The following DPP10 variants were observed in gnomAD, a reference collection of about 807,000 sequenced individuals.
DPP10 encodes the protein dipeptidyl peptidase like 10, also known as inactive dipeptidyl peptidase 10.
DPP10 carries 33 observed loss-of-function variants against 120.9 expected under a neutral mutation model. The observed-to-expected ratio is 0.27, with a 90% CI of 0.21 to 0.37. DPP10 has a LOEUF of 0.37. Ranked by LOEUF, DPP10 falls within the 10% of genes least tolerant of loss-of-function variation. The probability of loss-of-function intolerance (pLI) is 1.00; values close to 1 mark genes in which losing one functional copy is unlikely to be tolerated. For missense variants in DPP10, 816 were observed against 942.8 expected, an observed-to-expected ratio of 0.87 and a Z score of 1.76; for synonymous variants, 337 against 326.1, an observed-to-expected ratio of 1.03 and a Z score of -0.36.
At chr2:114,810,241 G>A (rs193028424) in intron 1 of DPP10, among the ~76,000 whole-genome samples, 137 of 152,296 alleles carry the variant, frequency 9.0e-4, no homozygotes, top group African/African-American at 3.2e-3. Context: ...TCTAGCTAGA[G>A]TAATAGCTAC....
intron 1 of DPP10, among the ~76,000 whole-genome samples, chr2:114,480,938 G>A (rs1473060929): frequency 6.6e-6 from 1 of 151,422 alleles, no homozygotes; most frequent in Non-Finnish European, 1.5e-5. Flanking sequence ...AGACAAAAAA[G>A]GAGCCTCTAC....
chr2:114,447,346 C>G (rs1324472230), intron 1 of DPP10, among the ~76,000 whole-genome samples: 1 of 152,110 alleles, frequency 6.6e-6, no homozygotes, highest in Non-Finnish European at 1.5e-5. Context: ...ACTGACAAAC[C>G]TGCGTTTCAC....
chr2:115,082,799 C>T (rs1708382882), intron 1 of DPP10, among the ~76,000 whole-genome samples: 1 of 152,174 alleles, frequency 6.6e-6, no homozygotes, highest in South Asian at 2.1e-4. Flanking sequence ...ACTAGAACCA[C>T]TCAGTGAAAT....
intron 1 of DPP10, among the ~76,000 whole-genome samples, chr2:114,928,687 C>T (rs1574504134): frequency 6.6e-6 from 1 of 152,096 alleles, no homozygotes; most frequent in Admixed American, 6.6e-5. Context: ...GGTCCTAGTA[C>T]AGGCTCTCAG....
intron 1 of DPP10, among the ~76,000 whole-genome samples, chr2:114,499,181 C>T (rs1419708747): frequency 6.6e-6 from 1 of 152,174 alleles, no homozygotes; most frequent in Non-Finnish European, 1.5e-5. Flanking sequence ...CATTCTCATG[C>T]TTTTCACTTC....
intron 1 of DPP10, among the ~76,000 whole-genome samples, chr2:115,045,402 T>A (rs2105319753): frequency 6.6e-6 from 1 of 152,322 alleles, no homozygotes; most frequent in African/African-American, 2.4e-5. Flanking sequence ...GTAATCTTAT[T>A]TGGGTTAAAT....
rs1008999848 is a variant in DPP10 at position 114,779,035 on chromosome 2, C to T, written c.60+336197C>T. On this transcript the variant is annotated intron_variant, in intron 1 of 25. Transcript: ENST00000410059. ...TGTCTTGAGAGTTCATGGTCTTAAG[C>T]TTTACATGCCTGGGCTCTATTTTTG... is the stretch of plus-strand genomic sequence containing the variant. 2.0e-5 allele frequency among the ~76,000 whole-genome samples: 3 copies of T among 152,064 alleles called. No homozygotes were observed. The South Asian group carries it at 6.2e-4, about 32-fold the overall frequency.
chr2:115,798,929 C>T (rs759362685), intron 19 of DPP10, among the ~76,000 whole-genome samples: 13 of 151,828 alleles, frequency 8.6e-5, no homozygotes, highest in Non-Finnish European at 1.5e-4. Flanking sequence ...TTCATTAATC[C>T]ACTATCTGAG....
rs576022204 is a variant in DPP10, at chr2:114,625,094, C to T, written c.60+182256C>T. ...TCAAAATTATATTAAATTTATTTGT[C>T]TGAATCAAGATTCAAGTAAGATTCA... On this transcript the variant is annotated intron_variant, in intron 1 of 25. Coordinates refer to ENST00000410059, the MANE Select transcript of DPP10 (RefSeq NM_020868.6). Among the ~76,000 whole-genome samples, 17 of 152,040 alleles carry T rather than the reference C, an allele frequency of 1.1e-4. 1 individual carries two copies. Among genetic ancestry groups the T allele is most frequent in the African/African-American group, 4.1e-4 (17 of 41,506 alleles).
chr2:114,459,273 A>G (rs957658827), intron 1 of DPP10, among the ~76,000 whole-genome samples: 2 of 152,214 alleles, frequency 1.3e-5, no homozygotes, highest in African/African-American at 4.8e-5. Context: ...ATGTACTACT[A>G]GAAGATGTAA....
intron 7 of DPP10, among the ~76,000 whole-genome samples, chr2:115,714,999 A>G (rs1182503695): frequency 6.8e-6 from 1 of 146,822 alleles, no homozygotes; most frequent in Non-Finnish European, 1.5e-5. Context: ...ACCGCACTCC[A>G]GCCTGGGAGA....
intron 19 of DPP10, among the ~76,000 whole-genome samples, chr2:115,796,980 C>A (rs1684607095): frequency 6.6e-6 from 1 of 151,954 alleles, no homozygotes; most frequent in African/African-American, 2.4e-5. Flanking sequence ...CCTACATAGT[C>A]CACCGTATTA....
chr2:115,219,476 C>A (rs1021405295), intron 1 of DPP10, among the ~76,000 whole-genome samples: 1 of 152,052 alleles, frequency 6.6e-6, no homozygotes, highest in Admixed American at 6.6e-5. Context: ...GTATACACCT[C>A]CACTCTTACT....
chr2:115,449,944 G>A (rs560090088), intron 3 of DPP10, among the ~76,000 whole-genome samples: 2 of 152,084 alleles, frequency 1.3e-5, no homozygotes, highest in Non-Finnish European at 2.9e-5. Flanking sequence ...GACAAATATA[G>A]TAAAATCTAG....
intron 1 of DPP10, among the ~76,000 whole-genome samples, chr2:115,262,864 T>G (rs959634562): frequency 6.7e-6 from 1 of 148,174 alleles, no homozygotes; most frequent in Non-Finnish European, 1.5e-5. Context: ...GATTGTATAT[T>G]AATCCCCAAA....
At chr2:115,064,851 G>T in intron 1 of DPP10, 1 of 1,302,336 alleles carries the variant, frequency 7.7e-7, no homozygotes, top group Admixed American at 2.3e-5. Context: ...TTCTAGCAGG[G>T]TTTCTGATTG....
At chr2:114,924,887 A>G (rs1695486766) in intron 1 of DPP10, among the ~76,000 whole-genome samples, 1 of 152,222 alleles carries the variant, frequency 6.6e-6, no homozygotes, top group East Asian at 1.9e-4. Flanking sequence ...CAGTGCTTTT[A>G]TACTTTCATA....
intron 1 of DPP10, among the ~76,000 whole-genome samples, chr2:114,894,367 A>G (rs528369514): frequency 2.0e-5 from 3 of 152,302 alleles, no homozygotes; most frequent in African/African-American, 7.2e-5. Context: ...TAAAACAACA[A>G]CAACAAAGTT....
chr2:115,327,391 T>C (rs1362641971), intron 2 of DPP10, among the ~76,000 whole-genome samples: 2 of 152,034 alleles, frequency 1.3e-5, no homozygotes, highest in Admixed American at 6.6e-5. Context: ...ATGATTTCAC[T>C]AGGAAAAGCT....
Sources: gnomAD v4.1 joint callset for allele counts (sites outside exome capture counted in the v4.1 genomes callset) on GRCh38, gnomAD v4.1.1 for gene constraint, MANE v1.5 for transcripts, NCBI Gene and HGNC (gene_info 2026-07-23, HGNC 2026-07-21) for gene names.